Variants in PARM1 observed in about 807,000 individuals in gnomAD.
PARM1 encodes the protein WSC4, cell wall integrity and stress response component 4 homolog.
Under a neutral mutation model 24.6 loss-of-function variants are expected in PARM1, and 14 were observed. The observed-to-expected ratio is 0.57, with a 90% CI of 0.38 to 0.89. The LOEUF (loss-of-function observed/expected upper bound fraction) is 0.89. PARM1 is among the 40% of genes least tolerant of loss of function. The probability of loss-of-function intolerance (pLI) is 0.00; values close to 1 mark genes in which losing one functional copy is unlikely to be tolerated. For missense variants in PARM1, 362 were observed against 380.4 expected, an observed-to-expected ratio of 0.95 and a Z score of 0.40; for synonymous variants, 179 against 156.6, an observed-to-expected ratio of 1.14 and a Z score of -1.07.
chr4:74,984,041 G>A (rs1444063088), intron 1 of PARM1, among the ~76,000 whole-genome samples: 2 of 152,180 alleles, frequency 1.3e-5, no homozygotes, highest in Non-Finnish European at 1.5e-5. Flanking sequence ...ACAGGTGTGT[G>A]CCACCACATT....
chr4:75,046,187 G>A lies in PARM1; in HGVS notation c.873G>A (p.Leu291=). The A allele has an allele frequency of 1.2e-6, 2 of 1,612,810 alleles. No homozygotes were observed. The highest frequency in any genetic ancestry group is 1.3e-5 in the African/African-American group (1 of 75,002). ...KIRHSSYGRL[L]DDHDYGSWGN... ...GGCATTCCTCCTATGGAAGACTTTT[G>A]GACGACCATGACTACGGGTCCTGGG... The change falls in exon 4 of 4, where the codon TTG becomes TTA. Residue 291 remains leucine, a synonymous_variant. Transcript: ENST00000307428.
chr4:75,008,969 G>A (rs534295858), intron 1 of PARM1, among the ~76,000 whole-genome samples: 1 of 151,376 alleles, frequency 6.6e-6, no homozygotes, highest in South Asian at 2.1e-4. Context: ...CATGACAGCT[G>A]CCAGAATGCA....
At chr4:74,990,425 G>T (rs903776158) in intron 1 of PARM1, among the ~76,000 whole-genome samples, 1 of 152,150 alleles carries the variant, frequency 6.6e-6, no homozygotes, top group African/African-American at 2.4e-5. Flanking sequence ...CAGCTGCAAT[G>T]TAAATAGGGA....
At chr4:74,947,396 G>A (rs1158919118) in intron 1 of PARM1, among the ~76,000 whole-genome samples, 3 of 152,086 alleles carry the variant, frequency 2.0e-5, no homozygotes, top group Non-Finnish European at 4.4e-5. Context: ...ATTGACAGAG[G>A]TAGGAGGAAT....
At chr4:74,988,447 G>A (rs1560784713) in intron 1 of PARM1, among the ~76,000 whole-genome samples, 1 of 152,182 alleles carries the variant, frequency 6.6e-6, no homozygotes, top group Non-Finnish European at 1.5e-5. Context: ...AAATATGGGA[G>A]AGAAGATGAT....
chr4:75,026,220 CAG>C, intron 2 of PARM1, among the ~76,000 whole-genome samples: 1 of 152,138 alleles, frequency 6.6e-6, no homozygotes, highest in East Asian at 1.9e-4. Context: ...CAGAAGAAAT[CAG>C]AGTTATTTTG....
intron 3 of PARM1, among the ~76,000 whole-genome samples, chr4:75,043,165 A>G (rs1407314752): frequency 5.3e-5 from 8 of 152,180 alleles, no homozygotes; most frequent in Admixed American, 3.3e-4. Flanking sequence ...AAATACAATA[A>G]CAATCATGTA....
intron 2 of PARM1, among the ~76,000 whole-genome samples, chr4:75,033,537 C>A (rs969622940): frequency 2.6e-5 from 4 of 152,140 alleles, no homozygotes; most frequent in Admixed American, 2.6e-4. Flanking sequence ...AAACCCACTA[C>A]CCCTGCAAAC....
chr4:75,036,687 A>G (rs966911151), intron 3 of PARM1, among the ~76,000 whole-genome samples: 2 of 152,108 alleles, frequency 1.3e-5, no homozygotes, highest in Admixed American at 6.6e-5. Flanking sequence ...AGGCCATTAC[A>G]ATTTGCTCTG....
chr4:74,943,585 C>T (rs915771533), intron 1 of PARM1, among the ~76,000 whole-genome samples: 2 of 151,930 alleles, frequency 1.3e-5, no homozygotes, highest in Non-Finnish European at 1.5e-5. Context: ...GAGCTATACA[C>T]ATACAAAATT....
At chr4:74,951,196 T>G (rs1297407149) in intron 1 of PARM1, among the ~76,000 whole-genome samples, 1 of 152,182 alleles carries the variant, frequency 6.6e-6, no homozygotes, top group Non-Finnish European at 1.5e-5. Context: ...GTATACTATG[T>G]TAGAGACAAA....
chr4:74,961,540 G>T (rs954654385), intron 1 of PARM1, among the ~76,000 whole-genome samples: 1 of 152,168 alleles, frequency 6.6e-6, no homozygotes, highest in Non-Finnish European at 1.5e-5. Context: ...CAAAGACAAA[G>T]AGAGAATCTT....
At chr4:74,980,741 G>A (rs1477959725) in intron 1 of PARM1, among the ~76,000 whole-genome samples, 1 of 151,542 alleles carries the variant, frequency 6.6e-6, no homozygotes, top group African/African-American at 2.4e-5. Flanking sequence ...CAAAATGGCT[G>A]GTACCAAAAC....
chr4:74,976,662 AG>A (rs1722142363), intron 1 of PARM1, among the ~76,000 whole-genome samples: 1 of 152,236 alleles, frequency 6.6e-6, no homozygotes, highest in Non-Finnish European at 1.5e-5. Flanking sequence ...ACATGCCAAC[AG>A]GGGTTGCCAG....
intron 1 of PARM1, among the ~76,000 whole-genome samples, chr4:74,960,081 G>T (rs901619251): frequency 6.6e-6 from 1 of 152,172 alleles, no homozygotes; most frequent in Non-Finnish European, 1.5e-5. Flanking sequence ...TATGTAACTT[G>T]CAGGCAGTTT....
intron 1 of PARM1, among the ~76,000 whole-genome samples, chr4:75,004,415 A>G (rs1049890215): frequency 2.0e-5 from 3 of 152,302 alleles, no homozygotes; most frequent in Admixed American, 1.3e-4. Context: ...GGAAGTGTCT[A>G]TCAAGTTGCA....
At chr4:74,944,916 C>G (rs1028317455) in intron 1 of PARM1, among the ~76,000 whole-genome samples, 13 of 152,130 alleles carry the variant, frequency 8.5e-5, no homozygotes, top group African/African-American at 2.9e-4. Flanking sequence ...ATACCTGATT[C>G]AAAGTCCTGT....
intron 2 of PARM1, among the ~76,000 whole-genome samples, chr4:75,018,095 A>G (rs2048360347): frequency 6.6e-6 from 1 of 152,196 alleles, no homozygotes; most frequent in African/African-American, 2.4e-5. Flanking sequence ...ACAAATATTT[A>G]TTGAGCTTCT....
At chr4:74,960,324 T>G (rs911464523) in intron 1 of PARM1, among the ~76,000 whole-genome samples, 11 of 152,204 alleles carry the variant, frequency 7.2e-5, no homozygotes, top group African/African-American at 2.7e-4. Flanking sequence ...TTTATTTTTC[T>G]CTTCTTCCCC....
Sources: allele counts gnomAD v4.1 joint callset (sites outside exome capture counted in the v4.1 genomes callset), GRCh38; gene constraint gnomAD v4.1.1; transcripts MANE v1.5; gene names NCBI Gene and HGNC (gene_info 2026-07-23, HGNC 2026-07-21).